Variants in CEP112 observed in about 807,000 individuals in gnomAD.
CEP112 encodes the protein centrosomal protein of 112 kDa.
Under a neutral mutation model 153.0 loss-of-function variants are expected in CEP112, and 127 were observed. The ratio of observed to expected loss-of-function variants is 0.83; its 90% CI spans 0.72 to 0.96. The LOEUF is 0.96. CEP112 is among the 40% of genes least tolerant of loss of function. The pLI, the probability that CEP112 is intolerant of heterozygous loss-of-function variation, is 0.00. For missense variants in CEP112, 1,089 were observed against 1,101.2 expected (o/e 0.99, Z 0.16); for synonymous variants, 358 against 374.4 (o/e 0.96, Z 0.51).
chr17:65,745,195 A>G (rs1489936042), intron 22 of CEP112, among the ~76,000 whole-genome samples: 2 of 152,230 alleles, frequency 1.3e-5, no homozygotes, highest in Non-Finnish European at 2.9e-5. Context: ...GGAATTTGTC[A>G]ATAATCAAAT....
intron 16 of CEP112, among the ~76,000 whole-genome samples, chr17:66,011,650 T>C (rs541039724): frequency 6.6e-6 from 1 of 152,310 alleles, no homozygotes; most frequent in East Asian, 1.9e-4. Flanking sequence ...TGCTTGGTTT[T>C]AGAGTATGTG....
intron 21 of CEP112, among the ~76,000 whole-genome samples, chr17:65,758,937 G>C (rs2052447085): frequency 6.6e-6 from 1 of 152,166 alleles, no homozygotes; most frequent in Non-Finnish European, 1.5e-5. Context: ...GAGACCTACT[G>C]AGCTACATTC....
At chr17:65,672,553 T>C (rs774014592) in intron 24 of CEP112, among the ~76,000 whole-genome samples, 1 of 152,246 alleles carries the variant, frequency 6.6e-6, no homozygotes, top group Non-Finnish European at 1.5e-5. Context: ...TTGCTTGTAA[T>C]ACCTGATTGA....
chr17:65,930,514 C>T (rs1308364704), intron 18 of CEP112, among the ~76,000 whole-genome samples: 1 of 152,108 alleles, frequency 6.6e-6, no homozygotes, highest in Admixed American at 6.5e-5. Flanking sequence ...TTTGTAAATA[C>T]CAAGGATTGC....
At chr17:65,897,416 C>A (rs904065827) in intron 20 of CEP112, among the ~76,000 whole-genome samples, 3 of 151,924 alleles carry the variant, frequency 2.0e-5, no homozygotes, top group Non-Finnish European at 4.4e-5. Flanking sequence ...TTTATAATTT[C>A]TTTTTATAGT....
At chr17:65,918,480 A>G (rs1346388098) in intron 19 of CEP112, among the ~76,000 whole-genome samples, 1 of 152,158 alleles carries the variant, frequency 6.6e-6, no homozygotes, top group Non-Finnish European at 1.5e-5. Context: ...ATCATTGACA[A>G]TAAGCACTTA....
intron 19 of CEP112, among the ~76,000 whole-genome samples, chr17:65,920,797 T>A (rs1328465606): frequency 2.0e-5 from 3 of 152,062 alleles, no homozygotes; most frequent in African/African-American, 7.2e-5. Flanking sequence ...CCAGCCCTCT[T>A]GTCCCCTGTG....
intron 6 of CEP112, among the ~76,000 whole-genome samples, chr17:66,098,688 T>C (rs755582975): frequency 7.9e-5 from 12 of 152,194 alleles, no homozygotes; most frequent in Non-Finnish European, 1.6e-4. Flanking sequence ...CCAGATCCTA[T>C]AAAGTAATGG....
At chr17:65,866,423 C>T (rs1238889304) in intron 20 of CEP112, among the ~76,000 whole-genome samples, 1 of 152,348 alleles carries the variant, frequency 6.6e-6, no homozygotes, top group Non-Finnish European at 1.5e-5. Flanking sequence ...GCCTGGGCAA[C>T]ATGAATGGCA....
At chr17:65,829,206 G>A (rs890808135) in intron 21 of CEP112, among the ~76,000 whole-genome samples, 3 of 152,012 alleles carry the variant, frequency 2.0e-5, no homozygotes, top group African/African-American at 7.3e-5. Flanking sequence ...CAGTTTTAGT[G>A]GTCATGTACT....
At chr17:66,045,051 T>A (rs1390468628) in intron 12 of CEP112, among the ~76,000 whole-genome samples, 2 of 150,170 alleles carry the variant, frequency 1.3e-5, no homozygotes, top group African/African-American at 5.0e-5. Flanking sequence ...AATAATACAT[T>A]TTTTCAAGCT....
At chr17:65,637,611 C>T (rs1279847213) in intron 25 of CEP112, among the ~76,000 whole-genome samples, 1 of 152,226 alleles carries the variant, frequency 6.6e-6, no homozygotes, top group Non-Finnish European at 1.5e-5. Flanking sequence ...TGGAATCGTT[C>T]ACCTCCTCCC....
At chr17:66,043,645 C>T (rs2066078997) in intron 12 of CEP112, among the ~76,000 whole-genome samples, 1 of 152,120 alleles carries the variant, frequency 6.6e-6, no homozygotes, top group African/African-American at 2.4e-5. Context: ...ATTTTACAGC[C>T]TTCATCTTCC....
chr17:65,858,702 C>T (rs1156246902), intron 20 of CEP112, among the ~76,000 whole-genome samples: 1 of 152,064 alleles, frequency 6.6e-6, no homozygotes, highest in African/African-American at 2.4e-5. Flanking sequence ...AACAATTAAC[C>T]GTTTAAAAAT....
chr17:65,990,839 C>T (rs1426832510), intron 17 of CEP112, among the ~76,000 whole-genome samples: 1 of 152,200 alleles, frequency 6.6e-6, no homozygotes, highest in African/African-American at 2.4e-5. Flanking sequence ...CTCTCCCAAG[C>T]CCTGGGCAGT....
chr17:65,826,312 C>G (rs1463077611), intron 21 of CEP112: 3 of 1,613,762 alleles, frequency 1.9e-6, no homozygotes, highest in Non-Finnish European at 2.5e-6. Flanking sequence ...TCGTTGACCC[C>G]CATTAAGATC....
At chr17:65,756,818 GA>G (rs898488318) in intron 21 of CEP112, among the ~76,000 whole-genome samples, 3 of 152,046 alleles carry the variant, frequency 2.0e-5, no homozygotes, top group African/African-American at 4.8e-5. Flanking sequence ...AGAGAGGGAG[GA>G]AAAAAACCAG....
intron 24 of CEP112, among the ~76,000 whole-genome samples, chr17:65,649,443 G>A (rs2045622236): frequency 6.6e-6 from 1 of 152,092 alleles, no homozygotes. Flanking sequence ...GAGGCCAGGT[G>A]TGGTGGCTCA....
intron 6 of CEP112, among the ~76,000 whole-genome samples, chr17:66,114,253 C>T (rs1202425293): frequency 6.6e-6 from 1 of 152,114 alleles, no homozygotes; most frequent in African/African-American, 2.4e-5. Context: ...TTAATGAAAA[C>T]TGGCTTTTGA....
Sources: allele counts gnomAD v4.1 joint callset (sites outside exome capture counted in the v4.1 genomes callset), GRCh38; gene constraint gnomAD v4.1.1; transcripts MANE v1.5; gene names NCBI Gene and HGNC (gene_info 2026-07-23, HGNC 2026-07-21).